Variants in PPP1R14C observed in about 807,000 individuals in gnomAD.
The protein encoded by PPP1R14C is protein phosphatase 1 regulatory inhibitor subunit 14C.
In PPP1R14C, 16 loss-of-function variants were observed where a neutral mutation model predicts 20.4. The ratio of observed to expected loss-of-function variants is 0.78; its 90% confidence interval spans 0.53 to 1.19. PPP1R14C has a LOEUF of 1.19. Among genes scored for constraint, PPP1R14C ranks in the 50% most tolerant of loss-of-function variants. The probability of loss-of-function intolerance (pLI) is 0.00; values close to 1 mark genes in which losing one functional copy is unlikely to be tolerated. For missense variants in PPP1R14C, 211 were observed against 220.1 expected, an observed-to-expected ratio of 0.96 and a Z score of 0.26; for synonymous variants, 91 against 91.0, an observed-to-expected ratio of 1.00 and a Z score of 0.00.
chr6:150,216,743 T>G, intron 2 of PPP1R14C, 81 bp from the exon 3 acceptor site: 1 of 932,980 alleles, frequency 1.1e-6, no homozygotes, highest in Non-Finnish European at 1.7e-6. Context: ...ACTATGAATA[T>G]AAAATGATTT....
chr6:150,219,686 T>C (rs1778143749), intron 3 of PPP1R14C, among the ~76,000 whole-genome samples: 1 of 152,164 alleles, frequency 6.6e-6, no homozygotes. Flanking sequence ...GGAGAAGTTT[T>C]TCTTTGTGTT....
intron 3 of PPP1R14C, among the ~76,000 whole-genome samples, chr6:150,233,771 G>A (rs1378911776): frequency 2.0e-5 from 3 of 152,148 alleles, no homozygotes; most frequent in Non-Finnish European, 2.9e-5. Context: ...ATAATAATTT[G>A]TATTCATTTA....
At chr6:150,148,910 A>C (rs1180051353) in intron 1 of PPP1R14C, among the ~76,000 whole-genome samples, 1 of 152,126 alleles carries the variant, frequency 6.6e-6, no homozygotes, top group Non-Finnish European at 1.5e-5. Context: ...CAAAAAATAC[A>C]AAAATTAGCC....
At chr6:150,231,388 G>A (rs890680229) in intron 3 of PPP1R14C, among the ~76,000 whole-genome samples, 9 of 152,082 alleles carry the variant, frequency 5.9e-5, no homozygotes, top group South Asian at 2.1e-4. Context: ...TGTGTCTTCC[G>A]TCACACCCCA....
At position 150,152,203 on chromosome 6, in the gene PPP1R14C, A is replaced by G. The variant is rs146584127; in HGVS notation, c.306+8705A>G. Among the ~76,000 whole-genome samples the G allele has an allele frequency of 1.0e-3, 156 of 152,162 alleles. 1 individual carries two copies. The highest frequency in any genetic ancestry group is 2.1e-3 in the Admixed American group (32 of 15,288). Reference sequence around the variant, plus strand: ...GGGTGCTAATTTAATCCTCGCAGTAACTCTGCAAGGTAGGTGAAGAAACTG... The same window carrying G: ...GGGTGCTAATTTAATCCTCGCAGTAGCTCTGCAAGGTAGGTGAAGAAACTG... On this transcript the variant is annotated intron_variant, in intron 1 of 3. Coordinates refer to ENST00000361131, the MANE Select transcript of PPP1R14C (RefSeq NM_030949.3).
intron 3 of PPP1R14C, among the ~76,000 whole-genome samples, chr6:150,230,113 C>T (rs1296598528): frequency 6.6e-6 from 1 of 152,146 alleles, no homozygotes; most frequent in East Asian, 1.9e-4. Context: ...TGGGTGAGGA[C>T]ATTTTGCCAT....
intron 1 of PPP1R14C, among the ~76,000 whole-genome samples, chr6:150,174,365 G>A (rs1208748896): frequency 1.3e-5 from 2 of 151,860 alleles, no homozygotes; most frequent in African/African-American, 2.4e-5. Context: ...GACTACCGGT[G>A]CCCCCCACCA....
intron 1 of PPP1R14C, among the ~76,000 whole-genome samples, chr6:150,151,664 C>G (rs1777249176): frequency 6.6e-6 from 1 of 152,226 alleles, no homozygotes; most frequent in African/African-American, 2.4e-5. Flanking sequence ...CATCAATCCT[C>G]CCAACAACTT....
At chr6:150,224,431 G>C (rs77093859) in intron 3 of PPP1R14C, among the ~76,000 whole-genome samples, 1 of 152,196 alleles carries the variant, frequency 6.6e-6, no homozygotes. Flanking sequence ...TGTAGATCAA[G>C]TTGGGAAGAA....
intron 1 of PPP1R14C, among the ~76,000 whole-genome samples, chr6:150,148,587 C>CTTTTGCTACTTCAGCT (rs1777204588): frequency 6.6e-6 from 1 of 152,180 alleles, no homozygotes; most frequent in African/African-American, 2.4e-5. Flanking sequence ...GGTACAGTAT[C>CTTTTGCTACTTCAGCT]ACATCAGCCG....
intron 1 of PPP1R14C, among the ~76,000 whole-genome samples, chr6:150,160,553 G>A (rs759616678): frequency 2.6e-5 from 4 of 151,810 alleles, no homozygotes; most frequent in Admixed American, 6.6e-5. Context: ...GATTACAGAC[G>A]TGAGCCACCG....
intron 1 of PPP1R14C, among the ~76,000 whole-genome samples, chr6:150,172,410 G>T (rs1777509919): frequency 1.3e-5 from 2 of 151,984 alleles, no homozygotes; most frequent in South Asian, 2.1e-4. Flanking sequence ...CTGTGTTTTT[G>T]TGTGTGTGTG....
chr6:150,208,070 G>A (rs1367795574), intron 1 of PPP1R14C, among the ~76,000 whole-genome samples: 1 of 152,160 alleles, frequency 6.6e-6, no homozygotes, highest in East Asian at 1.9e-4. Context: ...AGTCTCTAGA[G>A]AACAGTGTTA....
chr6:150,153,141 G>C lies in PPP1R14C; in HGVS notation c.306+9643G>C, dbSNP rs1293580560. On this transcript the variant is annotated intron_variant, in intron 1 of 3. Coordinates refer to ENST00000361131, the MANE Select transcript of PPP1R14C (RefSeq NM_030949.3). ...GAACTGTGAGACAGAAATGCTTGTT[G>C]TTGAGCCACTCAGTCTGTGCTATTT... Among the ~76,000 whole-genome samples the C allele has an allele frequency of 2.6e-5, 4 of 152,322 alleles. No individual in the cohort carries two copies. The East Asian group carries it at 7.7e-4, about 29-fold the overall frequency.
chr6:150,247,030 A>G (rs1368655504), intron 3 of PPP1R14C, among the ~76,000 whole-genome samples: 2 of 152,168 alleles, frequency 1.3e-5, no homozygotes, highest in African/African-American at 2.4e-5. Flanking sequence ...TCTAGAAAAA[A>G]CACATATTAC....
intron 1 of PPP1R14C, among the ~76,000 whole-genome samples, chr6:150,197,023 C>G (rs1354861335): frequency 6.6e-6 from 1 of 152,208 alleles, no homozygotes; most frequent in African/African-American, 2.4e-5. Context: ...CCTCCCTTCT[C>G]CCTCCCTCCA....
intron 3 of PPP1R14C, among the ~76,000 whole-genome samples, chr6:150,239,617 A>C (rs984173263): frequency 6.6e-6 from 1 of 152,192 alleles, no homozygotes; most frequent in Non-Finnish European, 1.5e-5. Flanking sequence ...TATAGCAGTA[A>C]ATGTCTGCAT....
chr6:150,211,826 C>T (rs1778027426), intron 1 of PPP1R14C, among the ~76,000 whole-genome samples: 1 of 152,156 alleles, frequency 6.6e-6, no homozygotes, highest in African/African-American at 2.4e-5. Flanking sequence ...GAGCGGGATG[C>T]CTTTCTCTTC....
intron 3 of PPP1R14C, among the ~76,000 whole-genome samples, chr6:150,218,504 T>A (rs1188070241): frequency 2.2e-5 from 3 of 136,710 alleles, no homozygotes; most frequent in Non-Finnish European, 4.7e-5. Context: ...ATTCTGAGGC[T>A]TATTTTAAAA....
Sources: gnomAD v4.1 joint callset for allele counts (sites outside exome capture counted in the v4.1 genomes callset) on GRCh38, gnomAD v4.1.1 for gene constraint, MANE v1.5 for transcripts, NCBI Gene and HGNC (gene_info 2026-07-23, HGNC 2026-07-21) for gene names.